The following VTI1A variants were observed in gnomAD, a reference collection of about 807,000 sequenced individuals.
The protein encoded by VTI1A is vesicle transport through interaction with t-SNAREs homolog 1A.
VTI1A carries 22 observed loss-of-function variants against 34.9 expected under a neutral mutation model. The ratio of observed to expected loss-of-function variants is 0.63; its 90% CI spans 0.45 to 0.90. The LOEUF (loss-of-function observed/expected upper bound fraction) is 0.90, where lower values mean the gene tolerates loss of function less well. Ranked by LOEUF, VTI1A falls within the 40% of genes least tolerant of loss-of-function variation. VTI1A has a pLI of 0.00. For synonymous variants in VTI1A, 87 were observed against 97.3 expected (o/e 0.89, Z 0.62); for missense variants, 268 against 275.6 (o/e 0.97, Z 0.20).
chr10:112,741,340 A>G (rs1050233063), intron 7 of VTI1A, among the ~76,000 whole-genome samples: 3 of 152,196 alleles, frequency 2.0e-5, no homozygotes, highest in African/African-American at 7.2e-5. Context: ...CTGTAATCCC[A>G]GCTACTCAGG....
intron 7 of VTI1A, among the ~76,000 whole-genome samples, chr10:112,791,882 T>C (rs540237494): frequency 7.2e-5 from 11 of 152,054 alleles, no homozygotes; most frequent in Non-Finnish European, 1.3e-4. Flanking sequence ...GGAAACACTT[T>C]CAAATATGTT....
intron 5 of VTI1A, among the ~76,000 whole-genome samples, chr10:112,605,534 C>T (rs189360597): frequency 8.5e-5 from 13 of 152,250 alleles, no homozygotes; most frequent in Non-Finnish European, 1.6e-4. Context: ...CAGCTCTGTG[C>T]ACACTGGAGG....
intron 5 of VTI1A, among the ~76,000 whole-genome samples, chr10:112,542,529 A>G (rs181707072): frequency 7.9e-5 from 12 of 152,274 alleles, no homozygotes; most frequent in Non-Finnish European, 1.5e-4. Context: ...CACGACAGGG[A>G]GCTAACATTC....
chr10:112,465,672 C>G (rs1202859931), intron 3 of VTI1A, among the ~76,000 whole-genome samples: 1 of 151,992 alleles, frequency 6.6e-6, no homozygotes, highest in East Asian at 1.9e-4. Context: ...TTCATAGAAA[C>G]AGAAAGTAGA....
chr10:112,458,028 G>A (rs372814498), intron 1 of VTI1A, among the ~76,000 whole-genome samples: 169 of 152,270 alleles, frequency 1.1e-3, no homozygotes, highest in African/African-American at 3.9e-3. Flanking sequence ...TACAGGGAGT[G>A]GATGGGAAGA....
At chr10:112,508,642 A>G (rs1399627843) in intron 3 of VTI1A, among the ~76,000 whole-genome samples, 1 of 152,168 alleles carries the variant, frequency 6.6e-6, no homozygotes, top group Non-Finnish European at 1.5e-5. Flanking sequence ...ATGGTTAGAC[A>G]CCCTTTCTGC....
chr10:112,648,860 G>A (rs893214635), intron 5 of VTI1A, among the ~76,000 whole-genome samples: 4 of 152,280 alleles, frequency 2.6e-5, no homozygotes, highest in Non-Finnish European at 4.4e-5. Flanking sequence ...AGTAAAATGT[G>A]TAGTGGGTTT....
the VTI1A span, among the ~76,000 whole-genome samples, chr10:112,848,512 G>A: frequency 6.6e-6 from 1 of 152,266 alleles, no homozygotes; most frequent in African/African-American, 2.4e-5. Context: ...CAGCAAATGG[G>A]GAGTCTCATG....
At chr10:112,470,822 G>A (rs1431492712) in intron 3 of VTI1A, among the ~76,000 whole-genome samples, 2 of 152,158 alleles carry the variant, frequency 1.3e-5, no homozygotes, top group Non-Finnish European at 2.9e-5. Flanking sequence ...GGAGGCCGAA[G>A]TTGCAGTGAG....
At chr10:112,474,125 G>GC (rs1848197727) in intron 3 of VTI1A, among the ~76,000 whole-genome samples, 1 of 151,840 alleles carries the variant, frequency 6.6e-6, no homozygotes, top group Non-Finnish European at 1.5e-5. Flanking sequence ...GCAGTGGTGT[G>GC]ATCTCAGCTC....
chr10:112,692,006 A>G (rs535673485), intron 7 of VTI1A, among the ~76,000 whole-genome samples: 20 of 152,346 alleles, frequency 1.3e-4, no homozygotes, highest in Admixed American at 9.8e-4. Flanking sequence ...ATTATTAGTT[A>G]TGCTAATTAA....
Position 112,488,866 on chromosome 10 carries a change from A to G in VTI1A, c.264+24209A>G, listed in dbSNP as rs555259362. Among the ~76,000 whole-genome samples the G allele has an allele frequency of 7.2e-5, 11 of 152,332 alleles. No homozygotes were observed. The South Asian group carries it at 8.3e-4, about 11-fold the overall frequency. ...GTAGTCCTAGAAACTACAGTATTATATCTTATGTATTAACAAAGTTTTTTT... is the reference window on the plus strand; with the variant it reads ...GTAGTCCTAGAAACTACAGTATTATGTCTTATGTATTAACAAAGTTTTTTT... On this transcript the variant is annotated intron_variant, in intron 3 of 7. Transcript: ENST00000393077.
At chr10:112,552,439 A>G (rs1851392457) in intron 5 of VTI1A, among the ~76,000 whole-genome samples, 1 of 151,704 alleles carries the variant, frequency 6.6e-6, no homozygotes, top group East Asian at 1.9e-4. Flanking sequence ...CCAACAAACC[A>G]ACCAACCAAC....
rs77552950 is a variant in VTI1A at position 112,535,543 on chromosome 10, C to A, written c.343-2703C>A. 2.8e-3 allele frequency among the ~76,000 whole-genome samples: 420 copies of A among 152,230 alleles called. 1 individual carries two copies. Among genetic ancestry groups the A allele is most frequent in the Non-Finnish European group, 5.0e-3 (343 of 68,012 alleles). ...TCTGGGCTCAGTTTTGGAAAGGGAG[C>A]ATGCTTGGAGGCAGGGTTGTAGTGC... is the stretch of plus-strand genomic sequence containing the variant. On this transcript the variant is annotated intron_variant, in intron 4 of 7. Transcript: ENST00000393077.
chr10:112,850,433 T>G, the VTI1A span, among the ~76,000 whole-genome samples: 1 of 149,718 alleles, frequency 6.7e-6, no homozygotes, highest in Admixed American at 6.7e-5. Context: ...AAGTAAAGGG[T>G]AAAGAAGAGG....
chr10:112,494,118 A>C (rs80109592), intron 3 of VTI1A, among the ~76,000 whole-genome samples: 2 of 152,084 alleles, frequency 1.3e-5, no homozygotes, highest in East Asian at 3.9e-4. Context: ...TTGTTTTACT[A>C]ATTTAATTTT....
intron 5 of VTI1A, among the ~76,000 whole-genome samples, chr10:112,618,441 A>T (rs913893745): frequency 2.1e-5 from 3 of 146,206 alleles, no homozygotes; most frequent in African/African-American, 7.6e-5. Flanking sequence ...GCATTCCAAG[A>T]TCTTAGAGCC....
intron 3 of VTI1A, among the ~76,000 whole-genome samples, chr10:112,482,985 G>A (rs548287954): frequency 1.3e-5 from 2 of 152,256 alleles, no homozygotes; most frequent in East Asian, 1.9e-4. Context: ...GGCACAGACA[G>A]CAGGGGAAAT....
At chr10:112,518,386 G>T (rs1454972993) in intron 3 of VTI1A, among the ~76,000 whole-genome samples, 3 of 151,748 alleles carry the variant, frequency 2.0e-5, no homozygotes, top group Admixed American at 6.6e-5. Flanking sequence ...ATAAAGAGAG[G>T]ATGGCATTTG....
Sources: allele counts gnomAD v4.1 joint callset (sites outside exome capture counted in the v4.1 genomes callset), GRCh38; gene constraint gnomAD v4.1.1; transcripts MANE v1.5; gene names NCBI Gene and HGNC (gene_info 2026-07-23, HGNC 2026-07-21).